ZNF704: variants seen among roughly 807,000 people sequenced by gnomAD.
The protein encoded by ZNF704 is zinc finger protein 704, also known as glucocorticoid induced gene 1.
Under a neutral mutation model 44.7 loss-of-function variants are expected in ZNF704, and 10 were observed. That is an observed-to-expected ratio of 0.22 (90% CI 0.14 to 0.38). The LOEUF (loss-of-function observed/expected upper bound fraction) is 0.38, where lower values mean the gene tolerates loss of function less well. ZNF704 is among the 10% of genes least tolerant of loss of function. ZNF704 has a pLI of 1.00. For missense variants in ZNF704, 390 were observed against 545.5 expected, an observed-to-expected ratio of 0.71 and a Z score of 2.84; for synonymous variants, 211 against 207.6, an observed-to-expected ratio of 1.02 and a Z score of -0.14.
chr8:80,835,142 T>C (rs1286748545), intron 1 of ZNF704, among the ~76,000 whole-genome samples: 1 of 152,212 alleles, frequency 6.6e-6, no homozygotes, highest in African/African-American at 2.4e-5. Context: ...AAGCCTTTTA[T>C]TTACATTATG....
rs988922485 is a variant in ZNF704, at chr8:80,765,871, G to A, written c.221+55503C>T. 7.2e-5 allele frequency among the ~76,000 whole-genome samples: 11 copies of A among 151,986 alleles called. No individual in the cohort carries two copies. In the East Asian group the frequency reaches 7.7e-4, roughly 11 times the overall value. On this transcript the variant is annotated intron_variant, in intron 2 of 8. Transcript: ENST00000327835. Reference sequence around the variant, plus strand: ...ATAAAAATAATAGCTACCATTTACCGAGTATCCATTAAAAGCCAGGTAAAT... The same window carrying A: ...ATAAAAATAATAGCTACCATTTACCAAGTATCCATTAAAAGCCAGGTAAAT...
At chr8:80,838,940 A>C (rs1808631089) in intron 1 of ZNF704, among the ~76,000 whole-genome samples, 1 of 152,192 alleles carries the variant, frequency 6.6e-6, no homozygotes, top group African/African-American at 2.4e-5. Flanking sequence ...AGGGCAGGAG[A>C]GTCCTGGGAC....
chr8:80,712,469 T>A (rs2131661073), intron 2 of ZNF704, among the ~76,000 whole-genome samples: 1 of 152,276 alleles, frequency 6.6e-6, no homozygotes, highest in South Asian at 2.1e-4. Context: ...AGAACCAGTT[T>A]AGAGACGGAG....
chr8:80,818,344 T>C (rs1808211131), intron 2 of ZNF704, among the ~76,000 whole-genome samples: 1 of 151,978 alleles, frequency 6.6e-6, no homozygotes, highest in African/African-American at 2.4e-5. Context: ...TTTTTAAACA[T>C]TTATTATATA....
At chr8:80,851,907 C>A (rs532046124) in intron 1 of ZNF704, among the ~76,000 whole-genome samples, 73 of 151,940 alleles carry the variant, frequency 4.8e-4, no homozygotes, top group African/African-American at 1.7e-3. Flanking sequence ...GACTAGACAT[C>A]ATTTTTCTTT....
At chr8:80,719,149 A>AT (rs1405747654) in intron 2 of ZNF704, among the ~76,000 whole-genome samples, 1 of 151,574 alleles carries the variant, frequency 6.6e-6, no homozygotes, top group Non-Finnish European at 1.5e-5. Context: ...AAATTTTTTA[A>AT]TTTTTTTGTA....
intron 7 of ZNF704, among the ~76,000 whole-genome samples, chr8:80,652,861 A>G (rs1817945864): frequency 6.6e-6 from 1 of 152,194 alleles, no homozygotes; most frequent in African/African-American, 2.4e-5. Context: ...CAGAGACACA[A>G]CAAAAAAAGA....
At chr8:80,701,743 G>C (rs1818814110) in intron 2 of ZNF704, among the ~76,000 whole-genome samples, 1 of 152,200 alleles carries the variant, frequency 6.6e-6, no homozygotes, top group East Asian at 1.9e-4. Context: ...GATGTAGAGA[G>C]ATCAAGCCAG....
intron 2 of ZNF704, among the ~76,000 whole-genome samples, chr8:80,795,718 CAAA>C (rs10612734): frequency 8.8e-5 from 10 of 113,812 alleles, no homozygotes; most frequent in African/African-American, 9.5e-5. Flanking sequence ...AACTCCATCT[CAAA>C]AAAAAAAAAA....
rs553660817 is a variant in ZNF704 at position 80,656,869 on chromosome 8, C to G, written c.1032+2716G>C. Among the ~76,000 whole-genome samples the G allele has an allele frequency of 5.3e-5, 8 of 152,040 alleles. No individual in the cohort carries two copies. The South Asian group carries it at 1.7e-3, about 32-fold the overall frequency. ...ATAAAGGTATTTTTTTTTTGAAAAG[C>G]ATTTTATCACATGAATATTTCTCTG... On this transcript the variant is annotated intron_variant, in intron 7 of 8. Coordinates refer to ENST00000327835, the MANE Select transcript of ZNF704 (RefSeq NM_001033723.3).
chr8:80,692,228 T>C (rs1012181876), intron 3 of ZNF704, among the ~76,000 whole-genome samples: 27 of 152,192 alleles, frequency 1.8e-4, no homozygotes, highest in African/African-American at 6.0e-4. Flanking sequence ...CAAAATCATA[T>C]CATGATTAAG....
intron 7 of ZNF704, among the ~76,000 whole-genome samples, chr8:80,645,659 C>T (rs1312337362): frequency 6.6e-6 from 1 of 152,182 alleles, no homozygotes; most frequent in Admixed American, 6.5e-5. Flanking sequence ...GCTCCTGCTT[C>T]ACCTTCCACC....
Position 80,811,344 on chromosome 8 carries a change from A to G in ZNF704, c.221+10030T>C, listed in dbSNP as rs369608066. On this transcript the variant is annotated intron_variant, in intron 2 of 8. Coordinates refer to ENST00000327835, the MANE Select transcript of ZNF704 (RefSeq NM_001033723.3). ...TTATTTTTGCCTGTTTCTTTTTCCT[A>G]TTTTTTAATAAAAATTGTATTTACT... Among the ~76,000 whole-genome samples the G allele has an allele frequency of 2.9e-4, 44 of 152,238 alleles. No individual in the cohort carries two copies. In the East Asian group the frequency reaches 7.1e-3, roughly 25 times the overall value.
At chr8:80,643,684 A>G (rs1485356300) in intron 7 of ZNF704, among the ~76,000 whole-genome samples, 1 of 152,134 alleles carries the variant, frequency 6.6e-6, no homozygotes, top group Admixed American at 6.6e-5. Flanking sequence ...TTTTTACTTC[A>G]TATCTATGCA....
At chr8:80,790,002 A>C (rs570185401) in intron 2 of ZNF704, among the ~76,000 whole-genome samples, 31 of 152,338 alleles carry the variant, frequency 2.0e-4, no homozygotes, top group African/African-American at 7.5e-4. Context: ...GAATCTGGTA[A>C]GAAAACAAAG....
intron 2 of ZNF704, among the ~76,000 whole-genome samples, chr8:80,733,745 A>G (rs1806620172): frequency 6.6e-6 from 1 of 152,210 alleles, no homozygotes; most frequent in Admixed American, 6.5e-5. Flanking sequence ...GTGGCCCTAC[A>G]TGGCAGATTC....
At chr8:80,853,976 G>C (rs998224293) in intron 1 of ZNF704, among the ~76,000 whole-genome samples, 2 of 152,202 alleles carry the variant, frequency 1.3e-5, no homozygotes, top group African/African-American at 4.8e-5. Flanking sequence ...CTAATACTTT[G>C]CAGATAAGAT....
At chr8:80,678,769 C>T (rs752725527) in intron 4 of ZNF704, among the ~76,000 whole-genome samples, 1 of 152,142 alleles carries the variant, frequency 6.6e-6, no homozygotes, top group East Asian at 1.9e-4. Context: ...GATGACCTGT[C>T]GTATTTGACC....
chr8:80,842,483 G>A (rs937682036), intron 1 of ZNF704, among the ~76,000 whole-genome samples: 2 of 152,118 alleles, frequency 1.3e-5, no homozygotes, highest in East Asian at 1.9e-4. Flanking sequence ...AAAAGGGATC[G>A]CACACACAGA....
Sources: gnomAD v4.1 joint callset for allele counts (sites outside exome capture counted in the v4.1 genomes callset) on GRCh38, gnomAD v4.1.1 for gene constraint, MANE v1.5 for transcripts, NCBI Gene and HGNC (gene_info 2026-07-23, HGNC 2026-07-21) for gene names.